The following SRGAP1 variants were observed in gnomAD, a reference collection of about 807,000 sequenced individuals.
SRGAP1 encodes the protein SLIT-ROBO Rho GTPase-activating protein 1.
SRGAP1 carries 43 observed loss-of-function variants against 121.9 expected under a neutral mutation model. The observed-to-expected ratio is 0.35, with a 90% CI of 0.28 to 0.46. The LOEUF (loss-of-function observed/expected upper bound fraction) is 0.46, where lower values mean the gene tolerates loss of function less well. Ranked by LOEUF, SRGAP1 falls within the 20% of genes least tolerant of loss-of-function variation. The probability of loss-of-function intolerance (pLI) is 1.00; values close to 1 mark genes in which losing one functional copy is unlikely to be tolerated. For missense variants in SRGAP1, 1,102 were observed against 1,350.9 expected (o/e 0.82, Z 2.89); for synonymous variants, 447 against 485.4 (o/e 0.92, Z 1.04).
chr12:63,917,638 A>C (rs1329601427), intron 1 of SRGAP1, among the ~76,000 whole-genome samples: 1 of 152,206 alleles, frequency 6.6e-6, no homozygotes, highest in African/African-American at 2.4e-5. Context: ...TTGTTTTAAA[A>C]GGATATATTA....
intron 8 of SRGAP1, among the ~76,000 whole-genome samples, chr12:64,066,631 C>T (rs763640259): frequency 1.7e-4 from 26 of 152,122 alleles, no homozygotes; most frequent in Non-Finnish European, 3.4e-4. Flanking sequence ...ATAATTTGGT[C>T]AAAACCCATT....
chr12:64,122,260 ATTG>A (rs2036616294), intron 18 of SRGAP1, among the ~76,000 whole-genome samples: 1 of 152,160 alleles, frequency 6.6e-6, no homozygotes, highest in Non-Finnish European at 1.5e-5. Flanking sequence ...TCTCACTATT[ATTG>A]TTATTGATAG....
chr12:64,130,314 G>T (rs369329796), intron 21 of SRGAP1, among the ~76,000 whole-genome samples: 7 of 152,024 alleles, frequency 4.6e-5, no homozygotes, highest in Non-Finnish European at 8.8e-5. Context: ...TAACTCAATG[G>T]CATTGTTGCT....
At chr12:64,072,671 C>T (rs2035664538) in intron 8 of SRGAP1, among the ~76,000 whole-genome samples, 1 of 152,268 alleles carries the variant, frequency 6.6e-6, no homozygotes. Context: ...ACCAACCCTG[C>T]AAACCAACAC....
chr12:64,023,257 G>A (rs1485646696), intron 4 of SRGAP1, among the ~76,000 whole-genome samples: 4 of 143,386 alleles, frequency 2.8e-5, no homozygotes, highest in Admixed American at 2.1e-4. Flanking sequence ...AAACTACGTT[G>A]ATAGTAAATG....
rs550385957 is a variant in SRGAP1 at position 63,844,950 on chromosome 12, G to T, written c.67+67G>T. ...CTTGTCATTGTGCTCGTGGAGTTGC[G>T]TATCTAACTTGGTGTCTGCGTGGGA... On this transcript the variant is annotated intron_variant, in intron 1 of 21. Coordinates refer to ENST00000355086, the MANE Select transcript of SRGAP1 (RefSeq NM_020762.4). The surrounding 1 kb of genome is among the most constrained non-coding windows in gnomAD (Gnocchi z 4.3). 67 of 1,485,536 alleles carry T rather than the reference G, an allele frequency of 4.5e-5. No individual in the cohort carries two copies. Among genetic ancestry groups the T allele is most frequent in the Middle Eastern group, 3.4e-4 (2 of 5,816 alleles). 92.0% of individuals were successfully genotyped at this position (1,485,536 alleles called of 1,614,324 possible). A position where few individuals can be genotyped will look rare whatever the true frequency, so the allele number is the denominator to read the frequency against.
chr12:64,018,048 A>C (rs1027126559), intron 4 of SRGAP1, among the ~76,000 whole-genome samples: 1 of 152,120 alleles, frequency 6.6e-6, no homozygotes, highest in African/African-American at 2.4e-5. Context: ...ATATTAATTT[A>C]TATTAATGAA....
At chr12:64,055,401 T>G (rs980225565) in intron 6 of SRGAP1, among the ~76,000 whole-genome samples, 2 of 151,528 alleles carry the variant, frequency 1.3e-5, no homozygotes, top group African/African-American at 4.9e-5. Context: ...GTAGGAAGAA[T>G]CAGTATCGTG....
In SRGAP1 at chr12:64,159,020, G is replaced by A. The variant is rs1259659271; in HGVS notation, c.*16348G>A. The stretch of plus-strand genomic sequence containing the variant: ...GCAAAAATGATCTGTGTCACTTGTG[G>A]GTTAAAATATAAAAGAGTGCTAGGC... On this transcript the variant is annotated 3_prime_UTR_variant, in exon 22 of 22. Coordinates refer to ENST00000355086, the MANE Select transcript of SRGAP1 (RefSeq NM_020762.4). 6.6e-6 allele frequency: 1 copy of A among 152,030 alleles called. No individual in the cohort carries two copies. Among genetic ancestry groups the A allele is most frequent in the Non-Finnish European group, 1.5e-5 (1 of 68,022 alleles). The allele number at this position is 152,030 out of a possible 1,614,324, so 9.4% of individuals were successfully genotyped here. A position where few individuals can be genotyped will look rare whatever the true frequency, so the allele number is the denominator to read the frequency against.
rs750351170 is a variant in SRGAP1, at chr12:64,150,934, C to CAAAAAAAAAAAAAAAAAAAAAAAA, written c.*8265_*8288dup. ...TGGGTGGAAGAGTGAGAAGCTATCT[C>CAAAAAAAAAAAAAAAAAAAAAAAA]AAAAAAAAAAAAAAAAAAAAAAAAA... On this transcript the variant is annotated 3_prime_UTR_variant, in exon 22 of 22. Coordinates refer to ENST00000355086, the MANE Select transcript of SRGAP1 (RefSeq NM_020762.4). The CAAAAAAAAAAAAAAAAAAAAAAAA allele has an allele frequency of 5.3e-4, 13 of 24,718 alleles. 4 individuals are homozygous for CAAAAAAAAAAAAAAAAAAAAAAAA. The highest frequency in any genetic ancestry group is 9.3e-4 in the Non-Finnish European group (9 of 9,648). The allele number at this position is 24,718 out of a possible 1,614,324, so 1.5% of individuals were successfully genotyped here.
chr12:64,056,846 G>C (rs541463312), intron 6 of SRGAP1, among the ~76,000 whole-genome samples: 160 of 152,234 alleles, frequency 1.1e-3, no homozygotes, highest in African/African-American at 3.5e-3. Context: ...AGGACTGACT[G>C]CTTCTTTTCA....
intron 15 of SRGAP1, among the ~76,000 whole-genome samples, chr12:64,099,902 TC>T (rs1163137826): frequency 1.3e-5 from 2 of 152,214 alleles, no homozygotes; most frequent in African/African-American, 4.8e-5. Context: ...AAATATCATT[TC>T]ATAGTGGTTT....
chr12:64,080,756 GT>G (rs2035823588), intron 10 of SRGAP1: 1 of 271,162 alleles, frequency 3.7e-6, no homozygotes, highest in Admixed American at 5.0e-5. Context: ...ACCCCTGTTT[GT>G]TTTAATGGGC....
At chr12:63,928,857 C>T (rs2031359688) in intron 1 of SRGAP1, among the ~76,000 whole-genome samples, 1 of 152,198 alleles carries the variant, frequency 6.6e-6, no homozygotes, top group African/African-American at 2.4e-5. Context: ...ACTTAGATCC[C>T]TTGCATGTGC....
chr12:63,921,305 T>C (rs1215884948), intron 1 of SRGAP1, among the ~76,000 whole-genome samples: 1 of 152,252 alleles, frequency 6.6e-6, no homozygotes, highest in Non-Finnish European at 1.5e-5. Context: ...TAATCCATTG[T>C]CGACTCTGCA....
chr12:64,109,112 T>G, intron 16 of SRGAP1, 75 bp downstream of exon 16: 1 of 977,336 alleles, frequency 1.0e-6, no homozygotes, highest in Admixed American at 2.5e-5. Context: ...AAATGTACGT[T>G]GGGTTCCATT....
intron 4 of SRGAP1, 32 bp from the exon 5 acceptor site, chr12:64,042,758 A>G: frequency 1.0e-5 from 16 of 1,575,424 alleles, no homozygotes; most frequent in Non-Finnish European, 1.3e-5. Flanking sequence ...ACAGACAGAC[A>G]TCTTGTAACA....
intron 1 of SRGAP1, among the ~76,000 whole-genome samples, chr12:63,858,278 AAAAC>A (rs1240194419): frequency 1.3e-5 from 2 of 151,720 alleles, no homozygotes; most frequent in African/African-American, 4.8e-5. Context: ...TCTTGGGAAA[AAAAC>A]AGACCTATGA....
chr12:63,870,879 G>A (rs960777480), intron 1 of SRGAP1, among the ~76,000 whole-genome samples: 1 of 152,056 alleles, frequency 6.6e-6, no homozygotes, highest in African/African-American at 2.4e-5. Context: ...ACTGCTCCCC[G>A]CCTTCCTAGC....
Sources: allele counts gnomAD v4.1 joint callset (sites outside exome capture counted in the v4.1 genomes callset), GRCh38; gene constraint gnomAD v4.1.1; non-coding constraint Gnocchi (gnomAD v3.1); transcripts MANE v1.5; gene names NCBI Gene and HGNC (gene_info 2026-07-23, HGNC 2026-07-21).